The following KIAA1217 variants were observed in gnomAD, a reference collection of about 807,000 sequenced individuals.
KIAA1217 encodes sickle tail protein homolog.
Under a neutral mutation model 163.9 loss-of-function variants are expected in KIAA1217, and 88 were observed. The ratio of observed to expected loss-of-function variants is 0.54; its 90% CI spans 0.45 to 0.64. The LOEUF is 0.64. Ranked by LOEUF, KIAA1217 falls within the 30% of genes least tolerant of loss-of-function variation. The pLI is 0.00. For missense variants in KIAA1217, 2,372 were observed against 2,475.0 expected, an observed-to-expected ratio of 0.96 and a Z score of 0.88; for synonymous variants, 903 against 923.1, an observed-to-expected ratio of 0.98 and a Z score of 0.39.
chr10:23,740,428 G>A (rs1839042853), intron 1 of KIAA1217, among the ~76,000 whole-genome samples: 1 of 152,078 alleles, frequency 6.6e-6, no homozygotes, highest in South Asian at 2.1e-4. Context: ...ATGCAATCAT[G>A]GCTCACTGCA....
chr10:24,351,072 C>T (rs776806032), intron 2 of KIAA1217, among the ~76,000 whole-genome samples: 2 of 151,988 alleles, frequency 1.3e-5, no homozygotes, highest in Non-Finnish European at 2.9e-5. Context: ...CTCAGCCTCC[C>T]AAGTAGCTGG....
intron 1 of KIAA1217, among the ~76,000 whole-genome samples, chr10:23,775,894 A>G (rs1834989366): frequency 6.6e-6 from 1 of 152,100 alleles, no homozygotes; most frequent in South Asian, 2.1e-4. Flanking sequence ...ATACATTCTT[A>G]ATTTAAGCCA....
At chr10:24,275,644 TG>T in intron 2 of KIAA1217, 1 of 472,964 alleles carries the variant, frequency 2.1e-6, no homozygotes, top group Non-Finnish European at 4.4e-6. Context: ...GTCTCAAGTA[TG>T]TTTTTTTTCT....
intron 1 of KIAA1217, among the ~76,000 whole-genome samples, chr10:23,783,932 A>T (rs1835369888): frequency 6.6e-6 from 1 of 151,140 alleles, no homozygotes; most frequent in African/African-American, 2.4e-5. Context: ...TTGTGATTTT[A>T]TTTATTTGAA....
At chr10:24,432,044 T>C (rs2059638443) in intron 3 of KIAA1217, among the ~76,000 whole-genome samples, 1 of 151,040 alleles carries the variant, frequency 6.6e-6, no homozygotes, top group African/African-American at 2.4e-5. Flanking sequence ...TCCTAGTTAA[T>C]GAAAGACATG....
At chr10:23,904,613 T>G (rs1204943372) in intron 1 of KIAA1217, among the ~76,000 whole-genome samples, 1 of 152,114 alleles carries the variant, frequency 6.6e-6, no homozygotes. Context: ...AAACCATGCA[T>G]TGGTTCTTGA....
intron 2 of KIAA1217, among the ~76,000 whole-genome samples, chr10:24,342,426 G>C (rs1244804598): frequency 6.6e-6 from 1 of 152,064 alleles, no homozygotes; most frequent in Admixed American, 6.5e-5. Context: ...AAAGTTAAAA[G>C]CTTCTACCTT....
intron 1 of KIAA1217, among the ~76,000 whole-genome samples, chr10:23,854,964 G>A (rs547917138): frequency 0.012 from 1,838 of 152,110 alleles, 38 homozygotes; most frequent in African/African-American, 0.042. Flanking sequence ...TTGACTCTTT[G>A]TCCAATTTGC....
At chr10:24,489,491 AC>A (rs1459636752) in intron 6 of KIAA1217, among the ~76,000 whole-genome samples, 2 of 152,024 alleles carry the variant, frequency 1.3e-5, no homozygotes, top group African/African-American at 4.8e-5. Context: ...TATAATAAGG[AC>A]TTAATTCAGG....
chr10:24,074,779 C>T (rs2061314832), intron 2 of KIAA1217, among the ~76,000 whole-genome samples: 1 of 148,378 alleles, frequency 6.7e-6, no homozygotes, highest in African/African-American at 2.5e-5. Context: ...ACACTCAGTG[C>T]AGCCTTTACC....
intron 2 of KIAA1217, among the ~76,000 whole-genome samples, chr10:24,224,299 C>A (rs1036888145): frequency 5.3e-5 from 8 of 152,066 alleles, no homozygotes; most frequent in African/African-American, 1.9e-4. Flanking sequence ...TATGCTAATT[C>A]TATGATTTGG....
intron 2 of KIAA1217, among the ~76,000 whole-genome samples, chr10:24,114,025 A>G (rs1164571215): frequency 6.6e-6 from 1 of 152,216 alleles, no homozygotes; most frequent in African/African-American, 2.4e-5. Context: ...TGTTGGCTTC[A>G]GAGCCATGGT....
intron 11 of KIAA1217, among the ~76,000 whole-genome samples, chr10:24,520,639 AAAAAAAAAAAAAATATAT>A (rs1348323986): frequency 8.8e-5 from 5 of 56,632 alleles, no homozygotes; most frequent in African/African-American, 4.0e-4. Context: ...AAAAAAAAAA[AAAAAAAAAAAAAATATAT>A]ATATATATAT....
In KIAA1217 at chr10:23,706,263, T is replaced by C. The variant is rs375685595; in HGVS notation, c.-321+11029T>C. 2.0e-5 allele frequency among the ~76,000 whole-genome samples: 3 copies of C among 152,204 alleles called. No homozygotes were observed. In the South Asian group the frequency reaches 6.2e-4, roughly 31 times the overall value. On this transcript the variant is annotated intron_variant, in intron 1 of 18. Transcript: ENST00000376462. Reference sequence around the variant, plus strand: ...TGTTTTTCTACCTCCCTCCCTTTTTTACTTCCTTGCCTAATTGTCCTCGCT... The same window carrying C: ...TGTTTTTCTACCTCCCTCCCTTTTTCACTTCCTTGCCTAATTGTCCTCGCT...
intron 2 of KIAA1217, among the ~76,000 whole-genome samples, chr10:24,160,264 A>C (rs1243279771): frequency 1.3e-5 from 2 of 148,176 alleles, no homozygotes; most frequent in Admixed American, 1.3e-4. Context: ...CAATTTCTAC[A>C]AAAAAAAAGC....
Position 24,429,196 on chromosome 10 carries a change from A to G in KIAA1217, c.554-3799A>G, listed in dbSNP as rs142497343. Among the ~76,000 whole-genome samples the G allele has an allele frequency of 4.1e-4, 63 of 152,176 alleles. 1 individual carries two copies. In the East Asian group the frequency reaches 0.011, roughly 28 times the overall value. Reference sequence around the variant, plus strand: ...TTCTGAAGTTCCTGTTGAGAAAGCTATTGCCTTTCTGATACCTGATCCTTC... The same window carrying G: ...TTCTGAAGTTCCTGTTGAGAAAGCTGTTGCCTTTCTGATACCTGATCCTTC... On this transcript the variant is annotated intron_variant, in intron 3 of 20. Transcript: ENST00000376454.
intron 1 of KIAA1217, among the ~76,000 whole-genome samples, chr10:23,843,526 A>C (rs1371063141): frequency 6.6e-6 from 1 of 152,066 alleles, no homozygotes; most frequent in Non-Finnish European, 1.5e-5. Context: ...GGTGCTCTTT[A>C]ACATCTTACC....
intron 1 of KIAA1217, among the ~76,000 whole-genome samples, chr10:23,971,868 C>T (rs1845331267): frequency 6.6e-6 from 1 of 152,190 alleles, no homozygotes; most frequent in Non-Finnish European, 1.5e-5. Context: ...GAGGCTTCAT[C>T]TGCATAATAA....
intron 3 of KIAA1217, among the ~76,000 whole-genome samples, chr10:24,405,004 A>T (rs748479076): frequency 2.0e-5 from 3 of 152,212 alleles, no homozygotes; most frequent in Non-Finnish European, 4.4e-5. Flanking sequence ...GTTTGAATAC[A>T]GAGGGGTAGC....
Sources: gnomAD v4.1 joint callset for allele counts (sites outside exome capture counted in the v4.1 genomes callset) on GRCh38, gnomAD v4.1.1 for gene constraint, MANE v1.5 for transcripts, NCBI Gene and HGNC (gene_info 2026-07-23, HGNC 2026-07-21) for gene names.